Variants in NDST3 observed in about 807,000 individuals in gnomAD.
The protein encoded by NDST3 is bifunctional heparan sulfate N-deacetylase/N-sulfotransferase 3.
A neutral mutation model predicts 96.1 loss-of-function variants in NDST3; 58 were observed. The observed-to-expected ratio is 0.60, with a 90% CI of 0.49 to 0.75. NDST3 has a LOEUF of 0.75. Ranked by LOEUF, NDST3 falls within the 30% of genes least tolerant of loss-of-function variation. NDST3 has a pLI of 0.00. For missense variants in NDST3, 788 were observed against 1,034.2 expected (o/e 0.76, Z 3.27); for synonymous variants, 333 against 359.7 (o/e 0.93, Z 0.84).
At chr4:118,106,560 G>A (rs151263434) in intron 3 of NDST3, among the ~76,000 whole-genome samples, 1 of 151,950 alleles carries the variant, frequency 6.6e-6, no homozygotes, top group Non-Finnish European at 1.5e-5. Context: ...GGCTGGCAAT[G>A]TATAAATCTG....
chr4:118,051,227 A>G (rs1467511280), intron 1 of NDST3, among the ~76,000 whole-genome samples: 1 of 151,780 alleles, frequency 6.6e-6, no homozygotes, highest in African/African-American at 2.4e-5. Flanking sequence ...AACTCAAGGT[A>G]ATTTGCCTAG....
rs1742143893 is a variant in NDST3, at chr4:118,256,742, T to C, written c.*1030T>C. On this transcript the variant is annotated 3_prime_UTR_variant, in exon 14 of 14. Transcript: ENST00000296499. ...CTAAAAACAGTTTCCCTAGATGATG[T>C]GGTTAGGCTATTTACATTTAGGTTA... 6.6e-6 allele frequency: 1 copy of C among 152,222 alleles called. No individual in the cohort carries two copies. Among genetic ancestry groups the C allele is most frequent in the African/African-American group, 2.4e-5 (1 of 41,460 alleles). 9.4% of individuals were successfully genotyped at this position (152,222 alleles called of 1,614,324 possible). A position where few individuals can be genotyped will look rare whatever the true frequency, so the allele number is the denominator to read the frequency against.
At chr4:118,163,232 C>G (rs1463936541) in intron 6 of NDST3, among the ~76,000 whole-genome samples, 2 of 151,872 alleles carry the variant, frequency 1.3e-5, no homozygotes, top group Non-Finnish European at 2.9e-5. Flanking sequence ...ACCATTTGAC[C>G]CAGCCATCCC....
intron 2 of NDST3, among the ~76,000 whole-genome samples, chr4:118,057,101 A>G (rs1725492481): frequency 6.6e-6 from 1 of 152,022 alleles, no homozygotes; most frequent in South Asian, 2.1e-4. Flanking sequence ...GAAGGACCAA[A>G]TTAAGATCTA....
At position 118,054,197 on chromosome 4, in the gene NDST3, T is replaced by C. The variant is rs774368309; in HGVS notation, c.287T>C (p.Ile96Thr). Residue 96 changes from isoleucine to threonine, a missense_variant, in exon 2 of 14, where the codon ATT (isoleucine) becomes ACT (threonine). Ile to Thr is a moderately conservative substitution (Grantham distance 89, BLOSUM62 -1). Around this residue, in one of 3 missense-constraint regions of NDST3, gnomAD observed 234 missense variants for 256.9 expected, o/e 0.91. Transcript: ENST00000296499. ...TACTCATCTCTTGGTCAAGACATCA[T>C]TATGATTCTAGAATCAAGTAGATTC... ...SQYSSLGQDIIMILESSRFQY... is the reference protein window; with the variant it reads ...SQYSSLGQDITMILESSRFQY... The C allele has an allele frequency of 6.2e-7, 1 of 1,613,072 alleles. No individual in the cohort carries two copies. Among genetic ancestry groups the C allele is most frequent in the Non-Finnish European group, 8.5e-7 (1 of 1,179,398 alleles).
At chr4:118,251,932 T>C (rs961735635) in intron 12 of NDST3, among the ~76,000 whole-genome samples, 1 of 152,182 alleles carries the variant, frequency 6.6e-6, no homozygotes, top group African/African-American at 2.4e-5. Context: ...GAGCATGGTA[T>C]AGCTCCCTTT....
chr4:118,064,481 A>G (rs1364413801), intron 2 of NDST3, among the ~76,000 whole-genome samples: 1 of 152,126 alleles, frequency 6.6e-6, no homozygotes, highest in African/African-American at 2.4e-5. Context: ...TCATTTATAA[A>G]CTGTTTATAA....
intron 6 of NDST3, among the ~76,000 whole-genome samples, chr4:118,160,983 T>C (rs1317379305): frequency 2.6e-5 from 4 of 152,168 alleles, no homozygotes; most frequent in Non-Finnish European, 4.4e-5. Context: ...GCTCTGTTTT[T>C]CCCCCATCTT....
chr4:118,129,775 A>G (rs1263651494), intron 4 of NDST3, among the ~76,000 whole-genome samples: 1 of 152,030 alleles, frequency 6.6e-6, no homozygotes, highest in African/African-American at 2.4e-5. Context: ...CCAATGCTGA[A>G]AGTGGAGTGT....
chr4:118,172,488 T>C (rs1736013951), intron 6 of NDST3, among the ~76,000 whole-genome samples: 1 of 152,186 alleles, frequency 6.6e-6, no homozygotes. Flanking sequence ...TTTATGCTTA[T>C]GAATAATTTG....
chr4:118,240,935 T>C (rs897618458), intron 11 of NDST3, among the ~76,000 whole-genome samples: 1 of 152,184 alleles, frequency 6.6e-6, no homozygotes. Flanking sequence ...GTAAAAAGCT[T>C]TGAAAGCTTT....
rs541553691 is a variant in NDST3 at position 118,130,125 on chromosome 4, T to C, written c.1225-7929T>C. Among the ~76,000 whole-genome samples the C allele has an allele frequency of 6.6e-5, 10 of 152,208 alleles. No individual in the cohort carries two copies. In the East Asian group the frequency reaches 1.7e-3, roughly 26 times the overall value. On this transcript the variant is annotated intron_variant, in intron 4 of 13. Transcript: ENST00000296499. ...GTGGGCAACAGATCATAGAGTCTTG[T>C]ATTTTCATCCATTTGGCCACTCTGT... is the stretch of plus-strand genomic sequence containing the variant.
chr4:118,169,667 G>T (rs1259488966), intron 6 of NDST3, among the ~76,000 whole-genome samples: 2 of 151,892 alleles, frequency 1.3e-5, no homozygotes, highest in Non-Finnish European at 2.9e-5. Context: ...GGTGGCTGGT[G>T]CCTGTAATCC....
At chr4:118,104,349 C>G (rs1035309893) in intron 2 of NDST3, among the ~76,000 whole-genome samples, 2 of 151,788 alleles carry the variant, frequency 1.3e-5, no homozygotes, top group Admixed American at 6.6e-5. Flanking sequence ...AAGAATCAGA[C>G]TTAAAGATTG....
At chr4:118,069,163 C>A (rs1463525914) in intron 2 of NDST3, among the ~76,000 whole-genome samples, 2 of 151,874 alleles carry the variant, frequency 1.3e-5, no homozygotes, top group African/African-American at 2.4e-5. Context: ...AAGAAAGATT[C>A]CAGCAGAGAA....
At chr4:118,193,514 T>G (rs1019733606) in intron 6 of NDST3, 2 of 964,160 alleles carry the variant, frequency 2.1e-6, no homozygotes, top group African/African-American at 3.2e-5. Context: ...CTTGGCCTTG[T>G]TCTCTTCCTC....
chr4:118,172,984 G>A (rs1429747491), intron 6 of NDST3, among the ~76,000 whole-genome samples: 1 of 152,002 alleles, frequency 6.6e-6, no homozygotes, highest in Non-Finnish European at 1.5e-5. Flanking sequence ...ACAACTGTAT[G>A]GATTGCAGAC....
chr4:118,062,260 A>G (rs989327321), intron 2 of NDST3, among the ~76,000 whole-genome samples: 2 of 152,190 alleles, frequency 1.3e-5, no homozygotes, highest in Admixed American at 1.3e-4. Context: ...TCATCCTTAA[A>G]AGATAGTTTG....
At chr4:118,234,969 G>A (rs1022737047) in intron 9 of NDST3, among the ~76,000 whole-genome samples, 1 of 151,550 alleles carries the variant, frequency 6.6e-6, no homozygotes, top group African/African-American at 2.4e-5. Context: ...GGCAGAGGTT[G>A]CAATGAGTCA....
Sources: allele counts gnomAD v4.1 joint callset (sites outside exome capture counted in the v4.1 genomes callset), GRCh38; gene constraint gnomAD v4.1.1; regional missense constraint gnomAD v4.1.1; transcripts MANE v1.5; gene names NCBI Gene and HGNC (gene_info 2026-07-23, HGNC 2026-07-21).